PPARD: variants seen among roughly 807,000 people sequenced by gnomAD.
The protein encoded by PPARD is peroxisome proliferator activated receptor delta.
A neutral mutation model predicts 39.5 loss-of-function variants in PPARD; 6 were observed. The observed-to-expected ratio is 0.15, with a 90% confidence interval of 0.08 to 0.30. PPARD has a LOEUF of 0.30. Among genes scored for constraint, PPARD ranks in the 10% least tolerant of loss-of-function variants. PPARD has a pLI of 1.00. For missense variants in PPARD, 397 were observed against 596.8 expected, an observed-to-expected ratio of 0.67 and a Z score of 3.49; for synonymous variants, 210 against 231.3, an observed-to-expected ratio of 0.91 and a Z score of 0.83.
At chr6:35,408,071 G>A (rs965930211) in intron 2 of PPARD, among the ~76,000 whole-genome samples, 3 of 152,142 alleles carry the variant, frequency 2.0e-5, no homozygotes, top group Non-Finnish European at 2.9e-5. Context: ...AGCAGCTTTG[G>A]GAGGCCACAG....
chr6:35,343,601 TGTGGGAGAATGTAC>T (rs1791991484), intron 1 of PPARD, among the ~76,000 whole-genome samples: 1 of 152,134 alleles, frequency 6.6e-6, no homozygotes, highest in South Asian at 2.1e-4. Flanking sequence ...TAACAGATTG[TGTGGGAGAATGTAC>T]GTGGGTGTTG....
At chr6:35,345,778 T>C (rs1792136197) in intron 1 of PPARD, among the ~76,000 whole-genome samples, 1 of 152,076 alleles carries the variant, frequency 6.6e-6, no homozygotes, top group South Asian at 2.1e-4. Flanking sequence ...CTGTCCTGAC[T>C]GTTGTGCAAG....
intron 2 of PPARD, among the ~76,000 whole-genome samples, chr6:35,391,410 T>C (rs1319200740): frequency 6.6e-6 from 1 of 152,256 alleles, no homozygotes; most frequent in Non-Finnish European, 1.5e-5. Context: ...GATTGTTTCC[T>C]TGTGATTAGA....
chr6:35,360,701 GCC>G (rs35994840), intron 2 of PPARD, among the ~76,000 whole-genome samples: 4 of 152,216 alleles, frequency 2.6e-5, no homozygotes, highest in Non-Finnish European at 4.4e-5. Context: ...CTCAACATGG[GCC>G]CTGCCTAAGC....
At chr6:35,414,329 G>A (rs1284333277) in intron 3 of PPARD, among the ~76,000 whole-genome samples, 3 of 148,358 alleles carry the variant, frequency 2.0e-5, no homozygotes, top group African/African-American at 7.4e-5. Flanking sequence ...GCAGGATCAT[G>A]GTTAAGGAGG....
chr6:35,348,352 C>T, intron 2 of PPARD: 1 of 985,370 alleles, frequency 1.0e-6, no homozygotes, highest in Non-Finnish European at 1.2e-6. Flanking sequence ...TTGTTTCTTC[C>T]ATCTCTGCAG....
At chr6:35,399,210 G>A (rs1397081986) in intron 2 of PPARD, among the ~76,000 whole-genome samples, 1 of 152,050 alleles carries the variant, frequency 6.6e-6, no homozygotes, top group East Asian at 1.9e-4. Context: ...GACTAGCCTG[G>A]CCAACGTGGT....
chr6:35,378,575 G>C (rs1019803311), intron 2 of PPARD, among the ~76,000 whole-genome samples: 7 of 152,172 alleles, frequency 4.6e-5, no homozygotes, highest in African/African-American at 1.4e-4. Context: ...GCGTCTCTGA[G>C]TGCCAGGTGG....
At chr6:35,414,379 C>T (rs1765618782) in intron 3 of PPARD, among the ~76,000 whole-genome samples, 1 of 152,168 alleles carries the variant, frequency 6.6e-6, no homozygotes, top group Admixed American at 6.5e-5. Context: ...GTGTTTTTCT[C>T]AACAAGTCTG....
At chr6:35,354,253 A>AT (rs1430804249) in intron 2 of PPARD, among the ~76,000 whole-genome samples, 1 of 149,414 alleles carries the variant, frequency 6.7e-6, no homozygotes, top group African/African-American at 2.5e-5. Context: ...AAAAAAAAAA[A>AT]GCGATACACA....
At chr6:35,359,580 G>A (rs189216569) in intron 2 of PPARD, among the ~76,000 whole-genome samples, 3 of 152,114 alleles carry the variant, frequency 2.0e-5, no homozygotes, top group East Asian at 3.9e-4. Context: ...AACCCCCCTG[G>A]CCCGCTGTTT....
rs1562195484 is a variant in PPARD at position 35,385,645 on chromosome 6, T to TA, written c.-101-25342_-101-25341insA. ...AATTATCAATAAAAAATAAATAAATTTAAAAAAAAAAAAAAAAAAAAACAA... is the reference window on the plus strand; with the variant it reads ...AATTATCAATAAAAAATAAATAAATTATAAAAAAAAAAAAAAAAAAAAACAA... On this transcript the variant is annotated intron_variant, in intron 2 of 7. Transcript: ENST00000360694. 6.3e-5 allele frequency among the ~76,000 whole-genome samples: 6 copies of TA among 94,626 alleles called. No homozygotes were observed. The East Asian group carries it at 1.7e-3, about 26-fold the overall frequency. 62.1% of individuals were successfully genotyped at this position (94,626 alleles called of 152,430 possible).
intron 2 of PPARD, chr6:35,397,492 T>A: frequency 1.0e-6 from 1 of 978,856 alleles, no homozygotes; most frequent in African/African-American, 1.7e-5. Flanking sequence ...AGCTCCTCCT[T>A]TGAAGGGTCT....
intron 2 of PPARD, among the ~76,000 whole-genome samples, chr6:35,385,581 A>G (rs1763585188): frequency 2.2e-5 from 3 of 139,260 alleles, no homozygotes; most frequent in African/African-American, 7.9e-5. Context: ...CTATTGTCCT[A>G]TGACCCTGCC....
In PPARD at chr6:35,371,948, A is replaced by G. The variant is rs570057887; in HGVS notation, c.-102+24798A>G. Among the ~76,000 whole-genome samples, 5 of 152,360 alleles carry G rather than the reference A, an allele frequency of 3.3e-5. No individual in the cohort carries two copies. In the East Asian group the frequency reaches 9.6e-4, roughly 29 times the overall value. ...AAGTTCACTGCCTGCCCTTTCCACT[A>G]ACTCCTAGGTCAGACTTGCTAGGTT... is the stretch of plus-strand genomic sequence containing the variant. On this transcript the variant is annotated intron_variant, in intron 2 of 7. Transcript: ENST00000360694.
chr6:35,420,691 C>T (rs9658152), intron 4 of PPARD, among the ~76,000 whole-genome samples: 1,714 of 152,234 alleles, frequency 0.011, 44 homozygotes, highest in African/African-American at 0.038. Context: ...TTCCTAACTT[C>T]ACACCCATCA....
chr6:35,422,334 C>T (rs1030209429), intron 5 of PPARD, among the ~76,000 whole-genome samples: 1 of 152,212 alleles, frequency 6.6e-6, no homozygotes, highest in Non-Finnish European at 1.5e-5. Context: ...ATGAAAGCTA[C>T]TGCCAAGGCC....
rs199817470 is a variant in PPARD, at chr6:35,426,411, C to T, written c.*332C>T. On this transcript the variant is annotated 3_prime_UTR_variant, in exon 8 of 8. Transcript: ENST00000360694. ...TCTCTCTCCACCCCCCACGTCTGTC[C>T]TCCTTTCTTATTCTGTGAGATGTTT... The T allele has an allele frequency of 1.6e-5, 6 of 386,772 alleles. No individual in the cohort carries two copies. Among genetic ancestry groups the T allele is most frequent in the South Asian group, 1.2e-4 (4 of 34,086 alleles). 24.0% of individuals were successfully genotyped at this position (386,772 alleles called of 1,614,324 possible).
intron 2 of PPARD, among the ~76,000 whole-genome samples, chr6:35,371,380 C>T (rs2150540016): frequency 6.6e-6 from 1 of 152,282 alleles, no homozygotes; most frequent in South Asian, 2.1e-4. Context: ...ACGCGCTTGT[C>T]CCTTCCTGTG....
Sources: gnomAD v4.1 joint callset for allele counts (sites outside exome capture counted in the v4.1 genomes callset) on GRCh38, gnomAD v4.1.1 for gene constraint, MANE v1.5 for transcripts, NCBI Gene and HGNC (gene_info 2026-07-23, HGNC 2026-07-21) for gene names.